KANSL1: variants seen among roughly 807,000 people sequenced by gnomAD.
KANSL1 encodes the protein KAT8 regulatory NSL complex subunit 1, also known as MLL1/MLL complex subunit KANSL1.
Under a neutral mutation model 103.6 loss-of-function variants are expected in KANSL1, and 22 were observed. The observed-to-expected ratio is 0.21, with a 90% CI of 0.15 to 0.30. The LOEUF (loss-of-function observed/expected upper bound fraction) is 0.30, where lower values mean the gene tolerates loss of function less well. Among genes scored for constraint, KANSL1 ranks in the 10% least tolerant of loss-of-function variants. The pLI is 1.00. For missense variants in KANSL1, 1,337 were observed against 1,399.8 expected (o/e 0.96, Z 0.72); for synonymous variants, 600 against 527.6 (o/e 1.14, Z -1.88).
chr17:46,093,800 C>T (rs2079510669), intron 3 of KANSL1: 1 of 152,100 alleles, frequency 6.6e-6, no homozygotes, highest in Non-Finnish European at 1.5e-5. Flanking sequence ...CCACACCAAG[C>T]TAATATAAAA....
rs541106865 is a variant in KANSL1, at chr17:46,180,751, G to A, written c.-89-8519C>T. 4.6e-5 allele frequency among the ~76,000 whole-genome samples: 7 copies of A among 152,208 alleles called. No homozygotes were observed. In the South Asian group the frequency reaches 1.4e-3, roughly 32 times the overall value. The stretch of plus-strand genomic sequence containing the variant: ...GCAGCGGCTCAGACATGTAATCCCA[G>A]CACTCTGGGAGGCCAAGGCAAAAGG... On this transcript the variant is annotated intron_variant, in intron 1 of 14. Coordinates refer to ENST00000432791, the MANE Select transcript of KANSL1 (RefSeq NM_015443.4).
upstream of KANSL1, chr17:46,193,507 G>A (rs1395466082): frequency 6.7e-6 from 1 of 148,356 alleles, no homozygotes; most frequent in Admixed American, 6.7e-5. Context: ...TGCGGCTGCG[G>A]CGGCGAAGGG....
chr17:46,161,293 G>A (rs988615052), intron 2 of KANSL1, among the ~76,000 whole-genome samples: 8 of 151,214 alleles, frequency 5.3e-5, no homozygotes, highest in African/African-American at 1.7e-4. Flanking sequence ...AAAATTAGCC[G>A]GGTGTGGTGG....
intron 2 of KANSL1, among the ~76,000 whole-genome samples, chr17:46,107,306 T>A (rs1302172783): frequency 6.6e-6 from 1 of 152,228 alleles, no homozygotes; most frequent in Non-Finnish European, 1.5e-5. Flanking sequence ...TATTCTAATT[T>A]GTCTCTTCTC....
At chr17:46,191,024 T>C (rs1235542698) in intron 1 of KANSL1, among the ~76,000 whole-genome samples, 3 of 152,238 alleles carry the variant, frequency 2.0e-5, no homozygotes, top group Non-Finnish European at 4.4e-5. Flanking sequence ...GAACCACATT[T>C]CGTATTTACT....
intron 4 of KANSL1, 42 bp from the exon 5 acceptor site, chr17:46,067,709 G>T (rs2078432139): frequency 1.0e-6 from 1 of 998,068 alleles, no homozygotes; most frequent in Admixed American, 1.8e-5. Context: ...ATGTACCCAA[G>T]CGCACCCCTG....
At chr17:46,139,307 A>G (rs1392388999) in intron 2 of KANSL1, among the ~76,000 whole-genome samples, 1 of 152,048 alleles carries the variant, frequency 6.6e-6, no homozygotes, top group Non-Finnish European at 1.5e-5. Flanking sequence ...AAAAAAAAAA[A>G]AAAAGTATAT....
chr17:46,150,643 A>C lies in KANSL1; in HGVS notation c.1289+20212T>G, dbSNP rs529286630. Among the ~76,000 whole-genome samples the C allele has an allele frequency of 1.0e-3, 152 of 152,368 alleles. 1 individual carries two copies. The highest frequency in any genetic ancestry group is 3.5e-3 in the African/African-American group (145 of 41,576). On this transcript the variant is annotated intron_variant, in intron 2 of 14. Transcript: ENST00000432791. ...TTATTCTGTATTAAAATGTTACCTA[A>C]AAACTAATGACACTGGCTCAACAAA...
intron 2 of KANSL1, among the ~76,000 whole-genome samples, chr17:46,161,229 A>G (rs2045718983): frequency 6.8e-6 from 1 of 146,466 alleles, no homozygotes; most frequent in African/African-American, 2.6e-5. Context: ...CCTGGCTAAC[A>G]TGATGAAACC....
chr17:46,058,741 ACACTCTCTCTCTCTCTCTCT>A lies in KANSL1; in HGVS notation c.1848+7776_1848+7795del, dbSNP rs1458239504. Among the ~76,000 whole-genome samples, 707 of 73,528 alleles carry A rather than the reference ACACTCTCTCTCTCTCTCTCT, an allele frequency of 9.6e-3. 2 individuals are homozygous for A. The highest frequency in any genetic ancestry group is 0.029 in the South Asian group (72 of 2,508). The allele number at this position is 73,528 out of a possible 152,430, so 48.2% of individuals were successfully genotyped here. A position where few individuals can be genotyped will look rare whatever the true frequency, so the allele number is the denominator to read the frequency against. On this transcript the variant is annotated intron_variant, in intron 6 of 14. Transcript: ENST00000432791. The stretch of plus-strand genomic sequence containing the variant: ...CACACACACACACACACACACACAC[ACACTCTCTCTCTCTCTCTCT>A]CTCTCTCTCTCTCTCTCTCTCTCTC...
Position 46,105,906 on chromosome 17 carries a change from GACACACACAC to G in KANSL1, c.1290-11215_1290-11206del, listed in dbSNP as rs773000790. ...ACACACACACACAGAGCAAGGCCTT[GACACACACAC>G]ACACACACACACACACACACACACA... is the stretch of plus-strand genomic sequence containing the variant. On this transcript the variant is annotated intron_variant, in intron 2 of 14. Coordinates refer to ENST00000432791, the MANE Select transcript of KANSL1 (RefSeq NM_015443.4). Among the ~76,000 whole-genome samples, 25 of 95,264 alleles carry G rather than the reference GACACACACAC, an allele frequency of 2.6e-4. No homozygotes were observed. The East Asian group carries it at 3.7e-3, about 14-fold the overall frequency. The allele number at this position is 95,264 out of a possible 152,430, so 62.5% of individuals were successfully genotyped here.
chr17:46,032,016 G>A (rs1467526396), intron 14 of KANSL1, 31 bp downstream of exon 14: 1 of 1,613,298 alleles, frequency 6.2e-7, no homozygotes, highest in African/African-American at 1.3e-5. Flanking sequence ...CCCCAACCAT[G>A]CCAACCCCAC....
At chr17:46,087,072 T>C (rs975240309) in intron 3 of KANSL1, among the ~76,000 whole-genome samples, 2 of 152,134 alleles carry the variant, frequency 1.3e-5, no homozygotes, top group Non-Finnish European at 2.9e-5. Flanking sequence ...CCTGCTTGAA[T>C]GTTTATTTGA....
upstream of KANSL1, among the ~76,000 whole-genome samples, chr17:46,197,847 C>T (rs918128764): frequency 5.9e-5 from 9 of 152,374 alleles, no homozygotes; most frequent in Middle Eastern, 3.4e-3. Flanking sequence ...AAGGCACTCT[C>T]TACCTTCCCT....
chr17:46,121,429 C>G (rs1410655759), intron 2 of KANSL1: 4 of 152,460 alleles, frequency 2.6e-5, no homozygotes, highest in Admixed American at 2.6e-4. Flanking sequence ...CAGTCTCTGT[C>G]CTTAAAGTTT....
chr17:46,167,686 A>T (rs998714601), intron 2 of KANSL1, among the ~76,000 whole-genome samples: 8 of 152,276 alleles, frequency 5.3e-5, no homozygotes, highest in African/African-American at 1.9e-4. Context: ...AAATTAATTT[A>T]AAAAACTCTC....
At chr17:46,078,200 C>T (rs2078858548) in intron 4 of KANSL1, among the ~76,000 whole-genome samples, 2 of 152,276 alleles carry the variant, frequency 1.3e-5, no homozygotes, top group Middle Eastern at 3.4e-3. Flanking sequence ...TGAATGCCTT[C>T]GTCCTGGGAA....
chr17:46,074,713 G>T (rs940020134), intron 4 of KANSL1, among the ~76,000 whole-genome samples: 2 of 151,642 alleles, frequency 1.3e-5, no homozygotes, highest in Admixed American at 1.3e-4. Flanking sequence ...GGCTGGAGTG[G>T]TGATTGCGAC....
chr17:46,171,142 G>A lies in KANSL1; in HGVS notation c.1002C>T (p.Asn334=). 1 of 1,614,172 alleles carries A rather than the reference G, an allele frequency of 6.2e-7. No individual in the cohort carries two copies. The highest frequency in any genetic ancestry group is 8.5e-7 in the Non-Finnish European group (1 of 1,180,054). The change falls in exon 2 of 15, where the codon AAC becomes AAT. Residue 334 remains asparagine (N), a synonymous_variant. Transcript: ENST00000432791. ...GGCTCCGTGGTCTCAAGGATTCCAA[G>A]TTTGGCAGTTTGCTCAAAGTCTTCT... is the stretch of plus-strand genomic sequence containing the variant. The part of the protein sequence containing the change: ...FLEKTLSKLP[N]LESLRPRSQL...
Sources: allele counts gnomAD v4.1 joint callset (sites outside exome capture counted in the v4.1 genomes callset), GRCh38; gene constraint gnomAD v4.1.1; transcripts MANE v1.5; gene names NCBI Gene and HGNC (gene_info 2026-07-23, HGNC 2026-07-21).